FBXW7: variants seen among roughly 807,000 people sequenced by gnomAD.
The protein encoded by FBXW7 is F-box/WD repeat-containing protein 7.
In FBXW7, 11 loss-of-function variants were observed where a neutral mutation model predicts 86.3. That is an observed-to-expected ratio of 0.13 (90% CI 0.08 to 0.21). The LOEUF is 0.21. Ranked by LOEUF, FBXW7 falls within the 10% of genes least tolerant of loss-of-function variation. FBXW7 has a pLI of 1.00. For synonymous variants in FBXW7, 313 were observed against 297.9 expected, an observed-to-expected ratio of 1.05 and a Z score of -0.52; for missense variants, 488 against 847.4, an observed-to-expected ratio of 0.58 and a Z score of 5.27.
intron 4 of FBXW7, among the ~76,000 whole-genome samples, chr4:152,367,272 TA>T (rs923376447): frequency 6.6e-5 from 10 of 151,434 alleles, no homozygotes; most frequent in Admixed American, 1.3e-4. Flanking sequence ...ACTTAAAGTA[TA>T]AAAAAAAACT....
intron 2 of FBXW7, among the ~76,000 whole-genome samples, chr4:152,451,090 A>G (rs1247284232): frequency 6.6e-6 from 1 of 152,236 alleles, no homozygotes; most frequent in Non-Finnish European, 1.5e-5. Context: ...ACCAACAAAG[A>G]TAAGGTTTAA....
intron 2 of FBXW7, among the ~76,000 whole-genome samples, chr4:152,480,943 G>A (rs933975706): frequency 4.6e-5 from 7 of 152,238 alleles, no homozygotes; most frequent in African/African-American, 1.7e-4. Flanking sequence ...GTTACAGCAA[G>A]TTATCTAGAA....
intron 4 of FBXW7, among the ~76,000 whole-genome samples, chr4:152,391,010 G>C (rs1735951480): frequency 6.6e-6 from 1 of 151,958 alleles, no homozygotes; most frequent in African/African-American, 2.4e-5. Context: ...GCTTTAAATA[G>C]GTAAAATAGG....
intron 2 of FBXW7, among the ~76,000 whole-genome samples, chr4:152,505,618 T>A (rs1168196463): frequency 6.6e-6 from 1 of 152,122 alleles, no homozygotes; most frequent in Non-Finnish European, 1.5e-5. Flanking sequence ...CTGTCTTCCA[T>A]CTCCACATAA....
At position 152,411,886 on chromosome 4, in the gene FBXW7, T is replaced by G; in HGVS notation, c.-69-14A>C. 1 of 1,456,578 alleles carries G rather than the reference T, an allele frequency of 6.9e-7. No individual in the cohort carries two copies. Among genetic ancestry groups the G allele is most frequent in the Non-Finnish European group, 9.0e-7 (1 of 1,105,138 alleles). The allele number at this position is 1,456,578 out of a possible 1,614,324, so 90.2% of individuals were successfully genotyped here. On this transcript the variant is annotated splice_polypyrimidine_tract_variant and intron_variant, in intron 3 of 13. Coordinates refer to ENST00000281708, the MANE Select transcript of FBXW7 (RefSeq NM_001349798.2). ...GGTTTTCACATTCTGCAGGGGAAAA[T>G]AGGGTAAAAAACAAGATTTGTACAA...
In FBXW7 at chr4:152,526,984, T is replaced by C. The variant is rs1579438839; in HGVS notation, c.-120+7957A>G. 3.3e-5 allele frequency among the ~76,000 whole-genome samples: 5 copies of C among 152,364 alleles called. No individual in the cohort carries two copies. In the South Asian group the frequency reaches 1.0e-3, roughly 32 times the overall value. ...CAAACTCAAGTGTTGAATTTAAATGTTGGGCTTAATATAAGGCCTGATTTA... is the reference window on the plus strand; with the variant it reads ...CAAACTCAAGTGTTGAATTTAAATGCTGGGCTTAATATAAGGCCTGATTTA... On this transcript the variant is annotated intron_variant, in intron 2 of 13. Transcript: ENST00000281708.
At chr4:152,450,018 T>C (rs1741766397) in intron 2 of FBXW7, among the ~76,000 whole-genome samples, 2 of 152,224 alleles carry the variant, frequency 1.3e-5, no homozygotes, top group African/African-American at 4.8e-5. Context: ...AAACTTCCCA[T>C]TGTCTGTGAC....
chr4:152,512,425 A>C (rs1319543577), intron 2 of FBXW7, among the ~76,000 whole-genome samples: 1 of 152,202 alleles, frequency 6.6e-6, no homozygotes, highest in Non-Finnish European at 1.5e-5. Flanking sequence ...TTTGATAAGA[A>C]TGGAGGACGA....
intron 2 of FBXW7, among the ~76,000 whole-genome samples, chr4:152,506,670 T>C (rs555356232): frequency 8.5e-5 from 13 of 152,342 alleles, no homozygotes; most frequent in Non-Finnish European, 1.6e-4. Flanking sequence ...GTAGTCTTAT[T>C]CCCTACCCCC....
chr4:152,390,313 C>T (rs1182944181), intron 4 of FBXW7, among the ~76,000 whole-genome samples: 1 of 151,926 alleles, frequency 6.6e-6, no homozygotes, highest in East Asian at 1.9e-4. Flanking sequence ...TCCAACTATC[C>T]CACTGAATTT....
intron 2 of FBXW7, among the ~76,000 whole-genome samples, chr4:152,488,939 G>C (rs1745594635): frequency 6.6e-6 from 1 of 151,922 alleles, no homozygotes; most frequent in African/African-American, 2.4e-5. Context: ...GAGTAAGCCA[G>C]GTATCTGTAA....
At chr4:152,493,167 TTTG>T (rs1292950537) in intron 2 of FBXW7, among the ~76,000 whole-genome samples, 1 of 151,950 alleles carries the variant, frequency 6.6e-6, no homozygotes, top group Non-Finnish European at 1.5e-5. Flanking sequence ...TTTTTTGTTT[TTTG>T]TTTTTTTTTC....
rs11457603 is a variant in FBXW7, at chr4:152,445,910, TAAAAAAAAAAAAA to T, written c.-119-33394_-119-33382del. 1.3e-3 allele frequency among the ~76,000 whole-genome samples: 129 copies of T among 100,678 alleles called. 1 individual carries two copies. The highest frequency in any genetic ancestry group is 2.1e-3 in the Non-Finnish European group (90 of 43,774). The allele number at this position is 100,678 out of a possible 152,430, so 66.0% of individuals were successfully genotyped here. A position where few individuals can be genotyped will look rare whatever the true frequency, so the allele number is the denominator to read the frequency against. Reference sequence around the variant, plus strand: ...GGGTGACACAGCAAGACTCTGTCTTTAAAAAAAAAAAAAAAAAAAAAAAAAAAAAAAACCAAAG... The same window carrying T: ...GGGTGACACAGCAAGACTCTGTCTTTAAAAAAAAAAAAAAAAAAACCAAAG... On this transcript the variant is annotated intron_variant, in intron 2 of 13. Transcript: ENST00000281708.
rs1349617644 is a variant in FBXW7 at position 152,321,469 on chromosome 4, C to G, written c.*1412G>C. The G allele has an allele frequency of 4.3e-6, 1 of 232,864 alleles. No individual in the cohort carries two copies. The highest frequency in any genetic ancestry group is 1.3e-3 in the Middle Eastern group (1 of 800). 14.4% of individuals were successfully genotyped at this position (232,864 alleles called of 1,614,324 possible). A position where few individuals can be genotyped will look rare whatever the true frequency, so the allele number is the denominator to read the frequency against. On this transcript the variant is annotated 3_prime_UTR_variant, in exon 14 of 14. Coordinates refer to ENST00000281708, the MANE Select transcript of FBXW7 (RefSeq NM_001349798.2). Reference sequence around the variant, plus strand: ...AATAAACAGAAGGAGGAAAAAAGATCGCCTAGGATACAGTGTTAAACCACT... The same window carrying G: ...AATAAACAGAAGGAGGAAAAAAGATGGCCTAGGATACAGTGTTAAACCACT...
At chr4:152,446,100 G>A (rs369820306) in intron 2 of FBXW7, among the ~76,000 whole-genome samples, 4 of 151,888 alleles carry the variant, frequency 2.6e-5, no homozygotes, top group East Asian at 1.9e-4. Context: ...TTCTTAAAAC[G>A]TGTTTACTAA....
chr4:152,514,918 C>T (rs919546224), intron 2 of FBXW7, among the ~76,000 whole-genome samples: 8 of 152,126 alleles, frequency 5.3e-5, no homozygotes, highest in Non-Finnish European at 8.8e-5. Context: ...GCCTCAGTAA[C>T]ACTATAAGAT....
At chr4:152,350,011 A>C (rs1430979455) in intron 5 of FBXW7, 31 bp downstream of exon 5, 1 of 1,240,626 alleles carries the variant, frequency 8.1e-7, no homozygotes. Flanking sequence ...AAAACTGAGA[A>C]TCATGAGATA....
intron 2 of FBXW7, among the ~76,000 whole-genome samples, chr4:152,436,411 G>A (rs923578101): frequency 5.3e-5 from 8 of 152,110 alleles, no homozygotes; most frequent in East Asian, 1.9e-4. Context: ...GTTGGTTCAC[G>A]GGCTTAAAAA....
intron 2 of FBXW7, among the ~76,000 whole-genome samples, chr4:152,504,916 G>A (rs942775913): frequency 6.6e-6 from 1 of 152,100 alleles, no homozygotes; most frequent in Non-Finnish European, 1.5e-5. Flanking sequence ...TAAGGGTATT[G>A]CAATTTTTAA....
Sources: gnomAD v4.1 joint callset for allele counts (sites outside exome capture counted in the v4.1 genomes callset) on GRCh38, gnomAD v4.1.1 for gene constraint, MANE v1.5 for transcripts, NCBI Gene and HGNC (gene_info 2026-07-23, HGNC 2026-07-21) for gene names.